THADA: variants seen among roughly 807,000 people sequenced by gnomAD.
The protein encoded by THADA is tRNA (32-2'-O)-methyltransferase regulator THADA.
In THADA, 213 loss-of-function variants were observed where a neutral mutation model predicts 219.8. The observed-to-expected ratio is 0.97, with a 90% CI of 0.87 to 1.09. The LOEUF (loss-of-function observed/expected upper bound fraction) is 1.09. Ranked by LOEUF, THADA falls within the 50% of genes least tolerant of loss-of-function variation. The pLI, the probability that THADA is intolerant of heterozygous loss-of-function variation, is 0.00. For synonymous variants in THADA, 1,018 were observed against 828.9 expected (o/e 1.23, Z -3.92); for missense variants, 2,956 against 2,311.3 (o/e 1.28, Z -5.72).
At chr2:43,241,780 C>T (rs1038660394) in intron 36 of THADA, among the ~76,000 whole-genome samples, 1 of 151,994 alleles carries the variant, frequency 6.6e-6, no homozygotes, top group African/African-American at 2.4e-5. Context: ...TCCCATCGCG[C>T]GCCTTTCACG....
chr2:43,562,158 G>A (rs924266290), intron 15 of THADA: 2 of 152,108 alleles, frequency 1.3e-5, no homozygotes, highest in African/African-American at 4.8e-5. Flanking sequence ...GTATTCTATT[G>A]AGGGTTTTTG....
chr2:43,532,412 CAAAAAAA>C (rs773523844), intron 21 of THADA, among the ~76,000 whole-genome samples: 1 of 47,242 alleles, frequency 2.1e-5, no homozygotes, highest in African/African-American at 7.8e-5. Context: ...GACTCCACCT[CAAAAAAA>C]AAAAAAAAAA....
intron 24 of THADA, among the ~76,000 whole-genome samples, chr2:43,499,510 G>A (rs777759130): frequency 6.6e-6 from 1 of 152,088 alleles, no homozygotes; most frequent in African/African-American, 2.4e-5. Flanking sequence ...CCGAGTAGCT[G>A]CGATTACAGA....
intron 15 of THADA, 97 bp downstream of exon 15, chr2:43,566,601 G>T: frequency 7.7e-7 from 1 of 1,305,464 alleles, no homozygotes; most frequent in Non-Finnish European, 1.1e-6. Flanking sequence ...CTCAAAGAAA[G>T]GCAACAAAAC....
rs1200495102 is a variant in THADA, at chr2:43,572,950, C to A, written c.1772G>T (p.Arg591Met). 1.2e-6 allele frequency: 2 copies of A among 1,613,950 alleles called. No homozygotes were observed. The highest frequency in any genetic ancestry group is 1.7e-6 in the Non-Finnish European group (2 of 1,179,856). ...TGCCATCAAAGCTCCCAGAGCCCCC[C>A]TGCTATTACAAGACCCTAAGGATGG... is the stretch of plus-strand genomic sequence containing the variant. ...SFPSLGSCNS[R>M]GALGALMACL... Residue 591 changes from arginine to methionine, a missense_variant, in exon 12 of 38, where the codon AGG becomes ATG. Coordinates refer to ENST00000405975, the MANE Select transcript of THADA (RefSeq NM_022065.5).
At chr2:43,327,480 G>T (rs942283473) in intron 30 of THADA, among the ~76,000 whole-genome samples, 2 of 138,836 alleles carry the variant, frequency 1.4e-5, no homozygotes, top group East Asian at 2.6e-4. Flanking sequence ...AAGTAAAGAG[G>T]GGGGGTGGTT....
At chr2:43,282,064 C>A (rs1351461616) in intron 35 of THADA, among the ~76,000 whole-genome samples, 1 of 152,230 alleles carries the variant, frequency 6.6e-6, no homozygotes, top group Non-Finnish European at 1.5e-5. Context: ...GTCACTGCAC[C>A]TATTTCTCAT....
chr2:43,558,464 T>C (rs1697664539), intron 16 of THADA, among the ~76,000 whole-genome samples: 1 of 152,188 alleles, frequency 6.6e-6, no homozygotes, highest in Non-Finnish European at 1.5e-5. Flanking sequence ...AGGAGATTAA[T>C]ATTTCAATCA....
chr2:43,513,821 T>C (rs1297409597), intron 22 of THADA, among the ~76,000 whole-genome samples: 1 of 152,100 alleles, frequency 6.6e-6, no homozygotes, highest in Non-Finnish European at 1.5e-5. Flanking sequence ...ATGAAACTAA[T>C]TTTATGGAGC....
intron 22 of THADA, among the ~76,000 whole-genome samples, chr2:43,524,896 T>C (rs909279153): frequency 6.6e-6 from 1 of 152,176 alleles, no homozygotes; most frequent in Non-Finnish European, 1.5e-5. Context: ...TCAACCACAG[T>C]TATTCAAAAG....
At chr2:43,323,340 TTGTTA>T (rs1227745762) in intron 30 of THADA, among the ~76,000 whole-genome samples, 4 of 152,140 alleles carry the variant, frequency 2.6e-5, no homozygotes, top group Non-Finnish European at 5.9e-5. Flanking sequence ...AGATGGGGTC[TTGTTA>T]TATTGTCTAG....
intron 26 of THADA, among the ~76,000 whole-genome samples, chr2:43,442,584 C>A (rs1013635227): frequency 6.6e-6 from 1 of 152,094 alleles, no homozygotes; most frequent in Non-Finnish European, 1.5e-5. Context: ...AAAGAAGGTA[C>A]AAAAATTTTT....
intron 34 of THADA, among the ~76,000 whole-genome samples, chr2:43,287,705 T>C (rs894263164): frequency 2.6e-5 from 4 of 152,164 alleles, no homozygotes; most frequent in African/African-American, 9.7e-5. Context: ...TAACAACTTA[T>C]TGTCACCAAT....
In THADA at chr2:43,430,605, CA is replaced by C. The variant is rs779362564; in HGVS notation, c.3837-304del. 5 of 469,226 alleles carry C rather than the reference CA, an allele frequency of 1.1e-5. 1 individual carries two copies. Among genetic ancestry groups the C allele is most frequent in the South Asian group, 7.8e-5 (5 of 63,978 alleles). 29.1% of individuals were successfully genotyped at this position (469,226 alleles called of 1,614,324 possible). ...AATCTGTGCCAATGCCAAGTTTCCACAACTGATTTGGACTATAAGTAGAGTC... is the reference window on the plus strand; with the variant it reads ...AATCTGTGCCAATGCCAAGTTTCCACACTGATTTGGACTATAAGTAGAGTC... On this transcript the variant is annotated intron_variant, in intron 26 of 37. Coordinates refer to ENST00000405975, the MANE Select transcript of THADA (RefSeq NM_022065.5).
chr2:43,263,283 G>A (rs554712587), intron 36 of THADA, among the ~76,000 whole-genome samples: 15 of 152,060 alleles, frequency 9.9e-5, no homozygotes, highest in African/African-American at 3.4e-4. Flanking sequence ...GCCCAGAGCC[G>A]TCTCATTCTC....
At chr2:43,479,329 C>G (rs1057138565) in intron 26 of THADA, among the ~76,000 whole-genome samples, 1 of 152,198 alleles carries the variant, frequency 6.6e-6, no homozygotes, top group African/African-American at 2.4e-5. Context: ...AGCACTAGCT[C>G]TGTGACCTTA....
chr2:43,236,581 G>T (rs910192446), intron 36 of THADA, among the ~76,000 whole-genome samples: 2 of 152,208 alleles, frequency 1.3e-5, no homozygotes, highest in Admixed American at 6.5e-5. Flanking sequence ...GAGAGGCTGG[G>T]CTCAGTGGCT....
chr2:43,346,393 G>A (rs1357485365), intron 29 of THADA, among the ~76,000 whole-genome samples: 1 of 152,146 alleles, frequency 6.6e-6, no homozygotes. Context: ...TTTGATCAAG[G>A]TCAGACTCAG....
chr2:43,514,761 T>A (rs1389011576), intron 22 of THADA, among the ~76,000 whole-genome samples: 11 of 92,050 alleles, frequency 1.2e-4, no homozygotes, highest in Non-Finnish European at 2.1e-4. Context: ...TTATATATAA[T>A]ATGTATAATA....
Sources: allele counts gnomAD v4.1 joint callset (sites outside exome capture counted in the v4.1 genomes callset), GRCh38; gene constraint gnomAD v4.1.1; transcripts MANE v1.5; gene names NCBI Gene and HGNC (gene_info 2026-07-23, HGNC 2026-07-21).